PHKB: variants seen among roughly 807,000 people sequenced by gnomAD.
The protein encoded by PHKB is phosphorylase b kinase regulatory subunit beta.
A neutral mutation model predicts 152.1 loss-of-function variants in PHKB; 122 were observed. The ratio of observed to expected loss-of-function variants is 0.80; its 90% CI spans 0.69 to 0.93. The LOEUF (loss-of-function observed/expected upper bound fraction) is 0.93, where lower values mean the gene tolerates loss of function less well. Ranked by LOEUF, PHKB falls within the 40% of genes least tolerant of loss-of-function variation. PHKB has a pLI of 0.00. For synonymous variants in PHKB, 436 were observed against 464.9 expected (o/e 0.94, Z 0.80); for missense variants, 1,304 against 1,328.4 (o/e 0.98, Z 0.29).
intron 14 of PHKB, among the ~76,000 whole-genome samples, chr16:47,636,701 G>T (rs1203977277): frequency 6.6e-6 from 1 of 152,246 alleles, no homozygotes; most frequent in Non-Finnish European, 1.5e-5. Context: ...GAGCACAGGA[G>T]GGAGGCCGGT....
chr16:47,649,476 T>G (rs180991954), intron 18 of PHKB, among the ~76,000 whole-genome samples: 81 of 152,170 alleles, frequency 5.3e-4, no homozygotes, highest in African/African-American at 1.7e-3. Flanking sequence ...GGGGACCTAT[T>G]TTGAAAAATA....
intron 6 of PHKB, among the ~76,000 whole-genome samples, chr16:47,542,718 C>A (rs1971082540): frequency 6.6e-6 from 1 of 152,106 alleles, no homozygotes; most frequent in South Asian, 2.1e-4. Context: ...TCCTTCAGAT[C>A]CCTTGTAAGT....
At chr16:47,527,525 GA>G (rs1970788995) in intron 6 of PHKB, among the ~76,000 whole-genome samples, 1 of 152,002 alleles carries the variant, frequency 6.6e-6, no homozygotes, top group South Asian at 2.1e-4. Flanking sequence ...GATTAAAAGA[GA>G]AAAAAGGAAT....
Position 47,641,769 on chromosome 16 carries a change from A to G in PHKB, c.1608+77A>G, listed in dbSNP as rs1459293039. 5.7e-5 allele frequency: 46 copies of G among 811,084 alleles called. 1 individual carries two copies. The highest frequency in any genetic ancestry group is 4.4e-4 in the South Asian group (32 of 73,078). The allele number at this position is 811,084 out of a possible 1,614,324, so 50.2% of individuals were successfully genotyped here. On this transcript the variant is annotated intron_variant, in intron 16 of 30. Coordinates refer to ENST00000323584, the MANE Select transcript of PHKB (RefSeq NM_000293.3). ...GATGGTTGGACTTAGTTTACAGACAAGTCACACAGTTAAAATCTGATTCTG... is the reference window on the plus strand; with the variant it reads ...GATGGTTGGACTTAGTTTACAGACAGGTCACACAGTTAAAATCTGATTCTG...
intron 3 of PHKB, 40 bp from the exon 4 acceptor site, chr16:47,502,951 G>A (rs1198148915): frequency 3.1e-6 from 4 of 1,277,324 alleles, no homozygotes; most frequent in Non-Finnish European, 4.6e-6. Context: ...CTTTTCAAAT[G>A]CATTTCCAAT....
At chr16:47,509,475 C>G (rs1970473057) in intron 4 of PHKB, among the ~76,000 whole-genome samples, 1 of 152,116 alleles carries the variant, frequency 6.6e-6, no homozygotes, top group Non-Finnish European at 1.5e-5. Context: ...GATGTAACCT[C>G]CCTCTAGAAC....
chr16:47,554,305 T>C (rs1432618995), intron 7 of PHKB, among the ~76,000 whole-genome samples: 1 of 152,194 alleles, frequency 6.6e-6, no homozygotes, highest in East Asian at 1.9e-4. Flanking sequence ...CCCATGACTT[T>C]GTTTACACTG....
In PHKB at chr16:47,511,696, C is replaced by A. The variant is rs1970512434; in HGVS notation, c.437C>A (p.Thr146Lys). ...VQQFKQDPRP[T>K]TCLHSVFNVH... Reference sequence around the variant, plus strand: ...CAGTTTAAGCAGGATCCACGCCCAACAACATGTCTTCACTCTGTTTTCAAT... The same window carrying A: ...CAGTTTAAGCAGGATCCACGCCCAAAAACATGTCTTCACTCTGTTTTCAAT... Residue 146 changes from threonine (T) to lysine (K), a missense_variant, in exon 5 of 31, where the codon ACA becomes AAA. Physicochemically the swap from Thr to Lys is moderately conservative, Grantham distance 78. Coordinates refer to ENST00000323584, the MANE Select transcript of PHKB (RefSeq NM_000293.3). 6.2e-7 allele frequency: 1 copy of A among 1,613,166 alleles called. No homozygotes were observed. Among genetic ancestry groups the A allele is most frequent in the Admixed American group, 1.7e-5 (1 of 59,998 alleles).
intron 10 of PHKB, chr16:47,590,605 C>T (rs1289983925): frequency 2.0e-5 from 3 of 151,994 alleles, no homozygotes; most frequent in Non-Finnish European, 2.9e-5. Flanking sequence ...ACAGCACTTA[C>T]ATTTGAATTG....
chr16:47,662,276 T>C (rs1973458229), intron 23 of PHKB, among the ~76,000 whole-genome samples: 1 of 152,236 alleles, frequency 6.6e-6, no homozygotes, highest in Admixed American at 6.5e-5. Flanking sequence ...TTTGTAATCA[T>C]GTCTATGTCC....
chr16:47,513,248 G>A (rs1013765331), intron 5 of PHKB, among the ~76,000 whole-genome samples: 7 of 152,130 alleles, frequency 4.6e-5, no homozygotes, highest in African/African-American at 1.7e-4. Flanking sequence ...ACAAGTCAGA[G>A]CAGAGAGCTC....
intron 13 of PHKB, 33 bp from the exon 14 acceptor site, chr16:47,610,793 T>A (rs1359432558): frequency 8.0e-7 from 1 of 1,251,166 alleles, no homozygotes; most frequent in African/African-American, 1.5e-5. Flanking sequence ...GCAAATGCAT[T>A]TTCGATAATG....
chr16:47,502,891 C>CACAGG, intron 3 of PHKB, 100 bp from the exon 4 acceptor site: 1 of 771,158 alleles, frequency 1.3e-6, no homozygotes, highest in Non-Finnish European at 2.3e-6. Flanking sequence ...ATCACCAGAA[C>CACAGG]ACAGGATTAG....
intron 23 of PHKB, among the ~76,000 whole-genome samples, chr16:47,662,913 A>G (rs1973468480): frequency 6.6e-6 from 1 of 152,102 alleles, no homozygotes; most frequent in Non-Finnish European, 1.5e-5. Context: ...AAATTTATAT[A>G]AAATAGTTTA....
intron 13 of PHKB, 43 bp from the exon 14 acceptor site, chr16:47,610,783 G>A (rs1415404826): frequency 9.3e-7 from 1 of 1,070,686 alleles, no homozygotes; most frequent in Non-Finnish European, 1.5e-6. Flanking sequence ...ATAGTGTTAT[G>A]CAAATGCATT....
At chr16:47,639,621 A>G (rs1398642422) in intron 14 of PHKB, among the ~76,000 whole-genome samples, 1 of 152,248 alleles carries the variant, frequency 6.6e-6, no homozygotes, top group Non-Finnish European at 1.5e-5. Context: ...ACTCTGTCAT[A>G]CAAGTGGAAA....
intron 14 of PHKB, among the ~76,000 whole-genome samples, chr16:47,637,134 T>C (rs1972935729): frequency 6.6e-6 from 1 of 152,098 alleles, no homozygotes; most frequent in Non-Finnish European, 1.5e-5. Flanking sequence ...GGGTCTCCTC[T>C]CAGCTGAGAG....
intron 16 of PHKB, among the ~76,000 whole-genome samples, chr16:47,645,074 A>G (rs1205136534): frequency 6.6e-6 from 1 of 152,246 alleles, no homozygotes; most frequent in Non-Finnish European, 1.5e-5. Context: ...AAGGGAACAA[A>G]TGAAAAAAGT....
chr16:47,503,390 T>G (rs1970356615), intron 4 of PHKB, among the ~76,000 whole-genome samples: 1 of 152,242 alleles, frequency 6.6e-6, no homozygotes, highest in Admixed American at 6.5e-5. Context: ...ACAATATCGA[T>G]AATTCTAACC....
Sources: gnomAD v4.1 joint callset for allele counts (sites outside exome capture counted in the v4.1 genomes callset) on GRCh38, gnomAD v4.1.1 for gene constraint, MANE v1.5 for transcripts, NCBI Gene and HGNC (gene_info 2026-07-23, HGNC 2026-07-21) for gene names.